The following PPP4R3A variants were observed in gnomAD, a reference collection of about 807,000 sequenced individuals.
PPP4R3A encodes serine/threonine-protein phosphatase 4 regulatory subunit 3A.
Under a neutral mutation model 91.7 loss-of-function variants are expected in PPP4R3A, and 15 were observed. The ratio of observed to expected loss-of-function variants is 0.16; its 90% CI spans 0.11 to 0.25. PPP4R3A has a LOEUF of 0.25. Among genes scored for constraint, PPP4R3A ranks in the 10% least tolerant of loss-of-function variants. PPP4R3A has a pLI of 1.00. For missense variants in PPP4R3A, 623 were observed against 998.4 expected (o/e 0.62, Z 5.07); for synonymous variants, 377 against 348.7 (o/e 1.08, Z -0.91).
rs1354670090 is a variant in PPP4R3A, at chr14:91,458,522, G to A, written c.*237C>T. 2 of 580,886 alleles carry A rather than the reference G, an allele frequency of 3.4e-6. No individual in the cohort carries two copies. The highest frequency in any genetic ancestry group is 6.1e-6 in the Non-Finnish European group (2 of 325,698). 36.0% of individuals were successfully genotyped at this position (580,886 alleles called of 1,614,324 possible). A position where few individuals can be genotyped will look rare whatever the true frequency, so the allele number is the denominator to read the frequency against. On this transcript the variant is annotated 3_prime_UTR_variant, in exon 15 of 15. Transcript: ENST00000554943. ...GTTTCCATTTCCTTCCCTGAGAAAA[G>A]GGCAATGTGTGGTCCAAGCTGGAGA...
At chr14:91,490,489 T>TA (rs1275646617) in intron 2 of PPP4R3A, among the ~76,000 whole-genome samples, 2 of 152,202 alleles carry the variant, frequency 1.3e-5, no homozygotes, top group Non-Finnish European at 2.9e-5. Flanking sequence ...CTTTTTTTTT[T>TA]AGGTAAAAAC....
At chr14:91,476,006 AAT>A in intron 6 of PPP4R3A, 40 bp from the exon 7 acceptor site, 5 of 1,498,132 alleles carry the variant, frequency 3.3e-6, no homozygotes, top group Non-Finnish European at 4.4e-6. Flanking sequence ...TATTTATAAA[AAT>A]ACGGAACCTA....
intron 4 of PPP4R3A, among the ~76,000 whole-genome samples, chr14:91,479,470 C>T (rs1168118373): frequency 1.3e-5 from 2 of 151,624 alleles, no homozygotes; most frequent in South Asian, 4.2e-4. Flanking sequence ...TGGGCTCAAG[C>T]GATTCTCCCA....
intron 4 of PPP4R3A, among the ~76,000 whole-genome samples, chr14:91,479,963 G>C (rs1889453067): frequency 6.6e-6 from 1 of 152,188 alleles, no homozygotes; most frequent in Non-Finnish European, 1.5e-5. Context: ...AGTTAGAATA[G>C]ACCAATTCAC....
chr14:91,465,662 C>A (rs972233429), intron 10 of PPP4R3A, among the ~76,000 whole-genome samples: 1 of 152,040 alleles, frequency 6.6e-6, no homozygotes, highest in African/African-American at 2.4e-5. Context: ...CCAGAAAAAT[C>A]CTGAAAATAA....
chr14:91,506,767 C>G (rs1181110042), intron 1 of PPP4R3A, among the ~76,000 whole-genome samples: 1 of 152,028 alleles, frequency 6.6e-6, no homozygotes, highest in African/African-American at 2.4e-5. Context: ...CCAGGCTGGT[C>G]TTGAACTCCC....
chr14:91,475,982 A>G lies in PPP4R3A; in HGVS notation c.1111-16T>C, dbSNP rs1889181793. On this transcript the variant is annotated splice_polypyrimidine_tract_variant and intron_variant, in intron 6 of 14. Coordinates refer to ENST00000554943, the MANE Select transcript of PPP4R3A (RefSeq NM_001366432.2). ...CATCCATGCCCTGCAGACAAAAAAC[A>G]TTTATTTTTCCTGTATTTATAAAAA... The G allele has an allele frequency of 6.6e-7, 1 of 1,520,764 alleles. No individual in the cohort carries two copies. Among genetic ancestry groups the G allele is most frequent in the Non-Finnish European group, 8.8e-7 (1 of 1,142,822 alleles). The allele number at this position is 1,520,764 out of a possible 1,614,324, so 94.2% of individuals were successfully genotyped here. A position where few individuals can be genotyped will look rare whatever the true frequency, so the allele number is the denominator to read the frequency against.
chr14:91,501,516 G>A (rs932178679), intron 1 of PPP4R3A, among the ~76,000 whole-genome samples: 3 of 152,122 alleles, frequency 2.0e-5, no homozygotes, highest in Admixed American at 1.3e-4. Flanking sequence ...AACTAGCCAG[G>A]TATGGTGGTG....
intron 1 of PPP4R3A, among the ~76,000 whole-genome samples, chr14:91,493,874 G>C (rs945699525): frequency 6.7e-6 from 1 of 149,596 alleles, no homozygotes; most frequent in African/African-American, 2.5e-5. Context: ...CTGGGTTCAA[G>C]TGATTGTCCT....
chr14:91,482,871 T>C (rs933571759), intron 3 of PPP4R3A, among the ~76,000 whole-genome samples: 14 of 152,128 alleles, frequency 9.2e-5, no homozygotes, highest in Non-Finnish European at 1.8e-4. Flanking sequence ...TGTACCTACA[T>C]AAAAATGAAG....
At chr14:91,479,270 A>G (rs944145507) in intron 4 of PPP4R3A, among the ~76,000 whole-genome samples, 12 of 150,764 alleles carry the variant, frequency 8.0e-5, no homozygotes, top group African/African-American at 2.9e-4. Flanking sequence ...ACAATACCAC[A>G]GGCATCAAAG....
chr14:91,502,801 G>C (rs1015589956), intron 1 of PPP4R3A, among the ~76,000 whole-genome samples: 7 of 152,188 alleles, frequency 4.6e-5, no homozygotes. Flanking sequence ...ATATGAGTCA[G>C]AGAACAGATA....
intron 4 of PPP4R3A, among the ~76,000 whole-genome samples, chr14:91,481,011 G>A (rs1889521777): frequency 6.6e-6 from 1 of 151,878 alleles, no homozygotes; most frequent in Non-Finnish European, 1.5e-5. Flanking sequence ...CTCCAGCCTG[G>A]GCAACAGAGC....
intron 1 of PPP4R3A, among the ~76,000 whole-genome samples, chr14:91,493,195 C>A (rs1595080042): frequency 6.6e-6 from 1 of 152,018 alleles, no homozygotes; most frequent in East Asian, 1.9e-4. Context: ...TTGAGACCAG[C>A]CTGGCCAACA....
Position 91,457,750 on chromosome 14 carries a change from T to C in PPP4R3A, c.*1009A>G, listed in dbSNP as rs899578775. The C allele has an allele frequency of 6.6e-6, 1 of 152,642 alleles. No homozygotes were observed. Among genetic ancestry groups the C allele is most frequent in the African/African-American group, 2.4e-5 (1 of 41,472 alleles). 9.5% of individuals were successfully genotyped at this position (152,642 alleles called of 1,614,324 possible). ...ATCTCTTTGGAATACTAATTTCATG[T>C]TTCTAGATTTAACAAAACTGTTGAA... On this transcript the variant is annotated 3_prime_UTR_variant, in exon 15 of 15. Transcript: ENST00000554943.
chr14:91,462,727 T>C lies in PPP4R3A; in HGVS notation c.1973+8A>G, dbSNP rs191881295. 1.9e-6 allele frequency: 3 copies of C among 1,613,568 alleles called. No individual in the cohort carries two copies. The highest frequency in any genetic ancestry group is 1.3e-5 in the African/African-American group (1 of 75,042). ...TGAACGAATAGGTTTAAATATATGG[T>C]AATTTACCTGTCAAGTTTGGGATTA... On this transcript the variant is annotated splice_region_variant and intron_variant, in intron 12 of 14. Coordinates refer to ENST00000554943, the MANE Select transcript of PPP4R3A (RefSeq NM_001366432.2).
chr14:91,465,473 G>C, intron 10 of PPP4R3A, 54 bp from the exon 11 acceptor site: 1 of 1,422,196 alleles, frequency 7.0e-7, no homozygotes. Flanking sequence ...CCATACTTTA[G>C]ACTTACCAAA....
At position 91,509,509 on chromosome 14, in the gene PPP4R3A, C is replaced by T. The variant is rs1197882486; in HGVS notation, c.139G>A (p.Asp47Asn). ...GMSLLVRAES[D>N]GSLLLESKIN... The stretch of plus-strand genomic sequence containing the variant: ...CGCCGCGCGGGGCTTCACTTACCGT[C>T]GCTCTCAGCCCTGACAAGCAGGGAC... The change falls in exon 1 of 15, where the codon GAC (aspartate) becomes AAC (asparagine). Residue 47 changes from aspartate to asparagine, a missense_variant. This residue lies in a region of PPP4R3A where 51 missense variants were observed against 81.8 expected (regional missense o/e 0.62). Transcript: ENST00000554943. 6.3e-7 allele frequency: 1 copy of T among 1,589,842 alleles called. No individual in the cohort carries two copies. Among genetic ancestry groups the T allele is most frequent in the Non-Finnish European group, 8.5e-7 (1 of 1,173,840 alleles).
chr14:91,490,682 G>T, intron 2 of PPP4R3A, 65 bp downstream of exon 2: 2 of 1,293,188 alleles, frequency 1.5e-6, no homozygotes, highest in Non-Finnish European at 2.2e-6. Context: ...TAAGCAATCA[G>T]ATAATAAACT....
Sources: gnomAD v4.1 joint callset for allele counts (sites outside exome capture counted in the v4.1 genomes callset) on GRCh38, gnomAD v4.1.1 for gene constraint, gnomAD v4.1.1 regional missense constraint, MANE v1.5 for transcripts, NCBI Gene and HGNC (gene_info 2026-07-23, HGNC 2026-07-21) for gene names.